The following PHLPP2 variants were observed in gnomAD, a reference collection of about 807,000 sequenced individuals.
The protein encoded by PHLPP2 is PH domain leucine-rich repeat-containing protein phosphatase 2.
In PHLPP2, 66 loss-of-function variants were observed where a neutral mutation model predicts 124.9. The observed-to-expected ratio is 0.53, with a 90% CI of 0.43 to 0.65. PHLPP2 has a LOEUF of 0.65. Ranked by LOEUF, PHLPP2 falls within the 30% of genes least tolerant of loss-of-function variation. PHLPP2 has a pLI of 0.00. For missense variants in PHLPP2, 1,685 were observed against 1,600.4 expected (o/e 1.05, Z -0.90); for synonymous variants, 681 against 624.7 (o/e 1.09, Z -1.34).
In PHLPP2 at chr16:71,652,782, G is replaced by GA; in HGVS notation, c.2817+7dup. The GA allele has an allele frequency of 6.2e-7, 1 of 1,602,096 alleles. No individual in the cohort carries two copies. The highest frequency in any genetic ancestry group is 8.6e-7 in the Non-Finnish European group (1 of 1,169,166). The stretch of plus-strand genomic sequence containing the variant: ...GAGCAGAAGTGACTGGCGGGGAGCG[G>GA]AACACACCTCTGTGATGATGGCTTT... On this transcript the variant is annotated splice_region_variant and intron_variant, in intron 18 of 18. Transcript: ENST00000568954.
chr16:71,678,083 C>T (rs561997151), intron 8 of PHLPP2: 1 of 152,124 alleles, frequency 6.6e-6, no homozygotes, highest in Non-Finnish European at 1.5e-5. Context: ...AATCCCAACA[C>T]TTTAGGAGGC....
Position 71,676,400 on chromosome 16 carries a change from G to C in PHLPP2, c.1471+47C>G, listed in dbSNP as rs375814990. On this transcript the variant is annotated intron_variant, in intron 9 of 18. Transcript: ENST00000568954. ...GGTGCCACTGTTCTCAGAAAGCACT[G>C]ACAACAGCTGAAAGAGAAAAAACAA... 13 of 1,488,270 alleles carry C rather than the reference G, an allele frequency of 8.7e-6. No individual in the cohort carries two copies. The African/African-American group carries it at 1.8e-4, about 21-fold the overall frequency. 92.2% of individuals were successfully genotyped at this position (1,488,270 alleles called of 1,614,324 possible). A position where few individuals can be genotyped will look rare whatever the true frequency, so the allele number is the denominator to read the frequency against.
chr16:71,698,269 C>G (rs1174922529), intron 3 of PHLPP2, among the ~76,000 whole-genome samples: 1 of 152,216 alleles, frequency 6.6e-6, no homozygotes, highest in Non-Finnish European at 1.5e-5. Context: ...CCGCAGCCAT[C>G]TGGGATGAGC....
At chr16:71,654,269 T>C (rs562514006) in intron 17 of PHLPP2, among the ~76,000 whole-genome samples, 1 of 149,136 alleles carries the variant, frequency 6.7e-6, no homozygotes, top group African/African-American at 2.5e-5. Flanking sequence ...ACCTGGATTA[T>C]ACAAGTTGAC....
In PHLPP2 at chr16:71,679,373, A is replaced by G; in HGVS notation, c.1037+16T>C. On this transcript the variant is annotated intron_variant, in intron 7 of 18. Coordinates refer to ENST00000568954, the MANE Select transcript of PHLPP2 (RefSeq NM_015020.3). ...ATTCTGCAAGGGAAAAGAGGAATCTAGTAAAAGTTACTTACTTTAGCAGAT... is the reference window on the plus strand; with the variant it reads ...ATTCTGCAAGGGAAAAGAGGAATCTGGTAAAAGTTACTTACTTTAGCAGAT... 1 of 1,610,386 alleles carries G rather than the reference A, an allele frequency of 6.2e-7. No individual in the cohort carries two copies. Among genetic ancestry groups the G allele is most frequent in the African/African-American group, 1.3e-5 (1 of 74,968 alleles).
intron 4 of PHLPP2, among the ~76,000 whole-genome samples, chr16:71,690,172 G>T (rs1299094903): frequency 2.0e-5 from 3 of 152,014 alleles, no homozygotes. Flanking sequence ...TTTAATTGGG[G>T]GGGAAAAAAA....
At chr16:71,674,611 C>T (rs1428236578) in intron 9 of PHLPP2, among the ~76,000 whole-genome samples, 1 of 152,020 alleles carries the variant, frequency 6.6e-6, no homozygotes, top group African/African-American at 2.4e-5. Context: ...TCCATATTAC[C>T]ATGCAAAGCT....
intron 13 of PHLPP2, among the ~76,000 whole-genome samples, chr16:71,661,795 C>T (rs997514760): frequency 7.2e-5 from 11 of 151,830 alleles, no homozygotes; most frequent in Admixed American, 5.3e-4. Context: ...GACAACACAG[C>T]GAGATCCCAC....
At chr16:71,714,828 G>C (rs369341062) in intron 1 of PHLPP2, 27 bp from the exon 2 acceptor site, 4 of 1,592,414 alleles carry the variant, frequency 2.5e-6, no homozygotes, top group Non-Finnish European at 3.4e-6. Context: ...GAAAGAAATC[G>C]TTAGCTAGAA....
rs2045007585 is a variant in PHLPP2, at chr16:71,682,244, G to A, written c.736-339C>T. On this transcript the variant is annotated intron_variant, in intron 5 of 18. Coordinates refer to ENST00000568954, the MANE Select transcript of PHLPP2 (RefSeq NM_015020.3). ...TTTTTTTTTTTTTTTTTGGGACAGA[G>A]TCTTGCTCTGTCAGCCAGGCTGGAG... 2.1e-5 allele frequency among the ~76,000 whole-genome samples: 3 copies of A among 146,048 alleles called. No homozygotes were observed. The South Asian group carries it at 6.5e-4, about 32-fold the overall frequency.
chr16:71,690,421 C>T lies in PHLPP2; in HGVS notation c.609+98G>A, dbSNP rs952356729. 3 of 879,712 alleles carry T rather than the reference C, an allele frequency of 3.4e-6. 1 individual carries two copies. The highest frequency in any genetic ancestry group is 3.3e-5 in the South Asian group (2 of 60,000). 54.5% of individuals were successfully genotyped at this position (879,712 alleles called of 1,614,324 possible). A position where few individuals can be genotyped will look rare whatever the true frequency, so the allele number is the denominator to read the frequency against. On this transcript the variant is annotated intron_variant, in intron 4 of 18. Coordinates refer to ENST00000568954, the MANE Select transcript of PHLPP2 (RefSeq NM_015020.3). The stretch of plus-strand genomic sequence containing the variant: ...TCTTTAATAATGCCCATACTGGCTT[C>T]TTTGAAAAGATATGACTAAAAGCTA...
intron 3 of PHLPP2, among the ~76,000 whole-genome samples, chr16:71,700,771 C>T (rs907714713): frequency 6.6e-6 from 1 of 152,028 alleles, no homozygotes; most frequent in East Asian, 1.9e-4. Flanking sequence ...GTGATCTGCC[C>T]GCCTCAGCCT....
rs528403080 is a variant in PHLPP2, at chr16:71,681,821, T to C, written c.820A>G (p.Ile274Val). 4 of 1,613,986 alleles carry C rather than the reference T, an allele frequency of 2.5e-6. No individual in the cohort carries two copies. Among genetic ancestry groups the C allele is most frequent in the Non-Finnish European group, 8.5e-7 (1 of 1,179,934 alleles). ...VPEHLFYSQD[I>V]TYLNLRHNFM... ...TTGTGTCGCAAGTTGAGGTAGGTAA[T>C]ATCTTGACTATAGAAGAGATGCTCA... Residue 274 changes from isoleucine (I) to valine (V), a missense_variant, in exon 6 of 19, where the codon ATT becomes GTT. Physicochemically the swap from Ile to Val is conservative, Grantham distance 29 (BLOSUM62 3). Transcript: ENST00000568954.
At chr16:71,664,329 T>C (rs2044819917) in intron 12 of PHLPP2, 1 of 566,794 alleles carries the variant, frequency 1.8e-6, no homozygotes, top group Non-Finnish European at 3.1e-6. Context: ...CCTGGTTGTT[T>C]TCCCAGGCTT....
chr16:71,650,712 G>GA (rs2044689911), intron 18 of PHLPP2, among the ~76,000 whole-genome samples: 1 of 152,020 alleles, frequency 6.6e-6, no homozygotes. Context: ...TTCAAGAAAC[G>GA]AAAAAAATAC....
At chr16:71,670,695 A>ACACACACACACACAC (rs372978115) in intron 10 of PHLPP2, among the ~76,000 whole-genome samples, 1 of 129,024 alleles carries the variant, frequency 7.8e-6, no homozygotes, top group African/African-American at 3.0e-5. Context: ...AGAGGCTGAA[A>ACACACACACACACAC]ACACACACAC....
intron 1 of PHLPP2, among the ~76,000 whole-genome samples, chr16:71,716,891 T>A (rs1008560485): frequency 6.6e-6 from 1 of 152,260 alleles, no homozygotes; most frequent in African/African-American, 2.4e-5. Flanking sequence ...CTTCTTCACC[T>A]TGAGTACACC....
At chr16:71,658,406 A>T in intron 14 of PHLPP2, 43 bp from the exon 15 acceptor site, 3 of 1,574,560 alleles carry the variant, frequency 1.9e-6, no homozygotes, top group South Asian at 1.1e-5. Flanking sequence ...CATCACAGAG[A>T]CTTAGTTCTT....
At chr16:71,663,695 T>C (rs2044813728) in intron 13 of PHLPP2, among the ~76,000 whole-genome samples, 1 of 152,218 alleles carries the variant, frequency 6.6e-6, no homozygotes, top group South Asian at 2.1e-4. Context: ...AAATTAAACA[T>C]ATTTTAACCA....
Sources: allele counts gnomAD v4.1 joint callset (sites outside exome capture counted in the v4.1 genomes callset), GRCh38; gene constraint gnomAD v4.1.1; transcripts MANE v1.5; gene names NCBI Gene and HGNC (gene_info 2026-07-23, HGNC 2026-07-21).